Variants in JAG1 observed in about 807,000 individuals in gnomAD.
JAG1 encodes the protein jagged canonical Notch ligand 1, also known as protein jagged-1.
JAG1 carries 23 observed loss-of-function variants against 148.7 expected under a neutral mutation model. That is an observed-to-expected ratio of 0.15 (90% CI 0.11 to 0.22). The LOEUF (loss-of-function observed/expected upper bound fraction) is 0.22. JAG1 is among the 10% of genes least tolerant of loss of function. The probability of loss-of-function intolerance (pLI) is 1.00; values close to 1 mark genes in which losing one functional copy is unlikely to be tolerated. For missense variants in JAG1, 1,054 were observed against 1,611.2 expected, an observed-to-expected ratio of 0.65 and a Z score of 5.92; for synonymous variants, 572 against 598.3, an observed-to-expected ratio of 0.96 and a Z score of 0.64.
At chr20:10,648,929 C>A (rs1320019044) in intron 11 of JAG1, 132 bp downstream of exon 11, 2 of 925,014 alleles carry the variant, frequency 2.2e-6, no homozygotes, top group South Asian at 1.4e-5. Flanking sequence ...TAAGCCCTAG[C>A]GAAACTTCCA....
chr20:10,648,879 T>A, intron 11 of JAG1, 157 bp from the exon 12 acceptor site: 2 of 895,308 alleles, frequency 2.2e-6, no homozygotes, highest in Non-Finnish European at 3.6e-6. Flanking sequence ...AATTTCTATG[T>A]GCATGCCTTC....
At chr20:10,640,735 T>C (rs1354755371) in intron 25 of JAG1, 48 bp downstream of exon 25, 1 of 1,574,404 alleles carries the variant, frequency 6.4e-7, no homozygotes, top group Non-Finnish European at 8.7e-7. Flanking sequence ...AATAGTATAA[T>C]GAGATCATCT....
intron 2 of JAG1, among the ~76,000 whole-genome samples, chr20:10,669,049 A>T (rs772681684): frequency 6.6e-6 from 1 of 151,866 alleles, no homozygotes; most frequent in Non-Finnish European, 1.5e-5. Flanking sequence ...TTAGAAACCA[A>T]GTACCTGGAA....
At chr20:10,649,261 C>G (rs918474679) in intron 10 of JAG1, among the ~76,000 whole-genome samples, 154 bp from the exon 11 acceptor site, 2 of 152,182 alleles carry the variant, frequency 1.3e-5, no homozygotes, top group Non-Finnish European at 2.9e-5. Flanking sequence ...TGGGGACCCT[C>G]CCTAATTCTT....
intron 3 of JAG1, among the ~76,000 whole-genome samples, chr20:10,663,436 C>G (rs1014190619): frequency 3.3e-5 from 5 of 152,174 alleles, no homozygotes; most frequent in African/African-American, 1.2e-4. Context: ...AGGGACAAGG[C>G]AGGTAATGGC....
chr20:10,664,522 T>C (rs1568803661), intron 2 of JAG1, among the ~76,000 whole-genome samples: 1 of 152,136 alleles, frequency 6.6e-6, no homozygotes, highest in African/African-American at 2.4e-5. Context: ...CCTTTTCCTT[T>C]TTAGAACCCC....
intron 18 of JAG1, 68 bp from the exon 19 acceptor site, chr20:10,644,452 C>T: frequency 7.9e-7 from 1 of 1,266,240 alleles, no homozygotes; most frequent in Non-Finnish European, 1.2e-6. Flanking sequence ...CTAAGTAAAA[C>T]CACCACTTAT....
chr20:10,664,661 T>C (rs970025759), intron 2 of JAG1, among the ~76,000 whole-genome samples: 1 of 151,754 alleles, frequency 6.6e-6, no homozygotes, highest in Non-Finnish European at 1.5e-5. Context: ...GGCGGTGGAG[T>C]TGGGGGCAGA....
At position 10,653,492 on chromosome 20, in the gene JAG1, T is replaced by G. The variant is rs1187803461; in HGVS notation, c.756-894A>C. Among the ~76,000 whole-genome samples, 7 of 150,400 alleles carry G rather than the reference T, an allele frequency of 4.7e-5. No homozygotes were observed. The Admixed American group carries it at 4.7e-4, about 10-fold the overall frequency. On this transcript the variant is annotated intron_variant, in intron 5 of 25. Transcript: ENST00000254958. Reference sequence around the variant, plus strand: ...CTTGAATTTTCAAGCCCTCTGAAACTTTAATTGCCTTCTCAAGAGCCAAGC... The same window carrying G: ...CTTGAATTTTCAAGCCCTCTGAAACGTTAATTGCCTTCTCAAGAGCCAAGC...
chr20:10,642,839 T>A (rs1413763876), intron 20 of JAG1, among the ~76,000 whole-genome samples: 2 of 152,206 alleles, frequency 1.3e-5, no homozygotes, highest in Non-Finnish European at 2.9e-5. Context: ...GAGGCAGCAA[T>A]TTTTAATTTG....
chr20:10,645,171 G>T lies in JAG1; in HGVS notation c.2199C>A (p.Gly733=). 2 of 1,614,016 alleles carry T rather than the reference G, an allele frequency of 1.2e-6. No individual in the cohort carries two copies. Among genetic ancestry groups the T allele is most frequent in the Non-Finnish European group, 1.7e-6 (2 of 1,179,932 alleles). ...TGTTACAGGTTGTTCCTTCCCAGCCGCCAGGACACATGCACTTAAAAGCAT... is the reference window on the plus strand; with the variant it reads ...TGTTACAGGTTGTTCCTTCCCAGCCTCCAGGACACATGCACTTAAAAGCAT... ...EGDAFKCMCP[G]GWEGTTCNIA... The change falls in exon 17 of 26, where the codon GGC becomes GGA. Residue 733 remains glycine (G), a synonymous_variant. Transcript: ENST00000254958. This position sits in a 1 kb window ranked among gnomAD's most constrained non-coding sequence, Gnocchi z 6.1.
At chr20:10,643,453 A>G (rs2067286843) in intron 20 of JAG1, among the ~76,000 whole-genome samples, 2 of 152,150 alleles carry the variant, frequency 1.3e-5, no homozygotes, top group Non-Finnish European at 2.9e-5. Flanking sequence ...TGTGGTTAAC[A>G]TCTGCTTGCC....
At chr20:10,640,667 G>T (rs2067264404) in intron 25 of JAG1, 116 bp downstream of exon 25, 1 of 1,070,212 alleles carries the variant, frequency 9.3e-7, no homozygotes, top group Non-Finnish European at 1.4e-6. Flanking sequence ...AGTTAAATTG[G>T]GAGCTCCTGC....
Position 10,649,053 on chromosome 20 carries a change from T to G in JAG1, c.1395+8A>C. ...TCAAAGTTTTGATTTAAGCAAAGAT[T>G]TACATACCCGACAGGAGGCGTCATT... On this transcript the variant is annotated splice_region_variant and intron_variant, in intron 11 of 25. Coordinates refer to ENST00000254958, the MANE Select transcript of JAG1 (RefSeq NM_000214.3). 1 of 1,604,638 alleles carries G rather than the reference T, an allele frequency of 6.2e-7. No homozygotes were observed.
intron 2 of JAG1, among the ~76,000 whole-genome samples, chr20:10,669,376 A>G (rs73243787): frequency 3.7e-4 from 56 of 151,984 alleles, no homozygotes; most frequent in African/African-American, 1.3e-3. Context: ...TGCCCACACC[A>G]TATCTACAGA....
chr20:10,650,432 C>T (rs2067337792), intron 8 of JAG1, 72 bp from the exon 9 acceptor site: 4 of 846,960 alleles, frequency 4.7e-6, no homozygotes, highest in African/African-American at 1.7e-5. Context: ...TTTAACATCA[C>T]CTCTTACATG....
rs1297627471 is a variant in JAG1, at chr20:10,651,678, G to A, written c.1023C>T (p.Leu341=). Residue 341 remains leucine (L), a synonymous_variant, in exon 8 of 26, where the codon CTC becomes CTT. Coordinates refer to ENST00000254958, the MANE Select transcript of JAG1 (RefSeq NM_000214.3). ...TGCCTCTGTTGTGACAGGGATCAGAGAGGCAGGCGTGCTCAGCTGCAAAAA... is the reference window on the plus strand; with the variant it reads ...TGCCTCTGTTGTGACAGGGATCAGAAAGGCAGGCGTGCTCAGCTGCAAAAA... ...PNCEIAEHAC[L]SDPCHNRGSC... is the part of the protein sequence containing the mutation. 1 of 1,613,548 alleles carries A rather than the reference G, an allele frequency of 6.2e-7. No homozygotes were observed. The highest frequency in any genetic ancestry group is 8.5e-7 in the Non-Finnish European group (1 of 1,179,576).
chr20:10,639,569 A>C lies in JAG1; in HGVS notation c.3586T>G (p.Trp1196Gly). 1.2e-6 allele frequency: 2 copies of C among 1,614,130 alleles called. No individual in the cohort carries two copies. Among genetic ancestry groups the C allele is most frequent in the Admixed American group, 1.7e-5 (1 of 60,022 alleles). ...PNGTPTKHPN[W>G]TNKQDNRDLE... The stretch of plus-strand genomic sequence containing the variant: ...TCTCTGTTGTCCTGTTTGTTTGTCC[A>C]GTTTGGGTGTTTTGTCGGCGTGCCG... The change falls in exon 26 of 26, where the codon TGG becomes GGG. Residue 1196 changes from tryptophan (W) to glycine (G), a missense_variant. Physicochemically the swap from Trp to Gly is radical, Grantham distance 184. Around this residue, in one of 6 missense-constraint regions of JAG1, gnomAD observed 177 missense variants for 177.3 expected, o/e 1.00. Coordinates refer to ENST00000254958, the MANE Select transcript of JAG1 (RefSeq NM_000214.3).
chr20:10,654,316 A>G (rs1283320370), intron 5 of JAG1, among the ~76,000 whole-genome samples: 3 of 152,222 alleles, frequency 2.0e-5, no homozygotes, highest in African/African-American at 7.2e-5. Context: ...AAAACAAATA[A>G]AAATACTGAC....
Sources: gnomAD v4.1 joint callset for allele counts (sites outside exome capture counted in the v4.1 genomes callset) on GRCh38, gnomAD v4.1.1 for gene constraint, gnomAD v4.1.1 regional missense constraint, Gnocchi (gnomAD v3.1) non-coding constraint, MANE v1.5 for transcripts, NCBI Gene and HGNC (gene_info 2026-07-23, HGNC 2026-07-21) for gene names.